The following CHD7 variants were observed in gnomAD, a reference collection of about 807,000 sequenced individuals.
CHD7 encodes ATP-dependent chromatin remodeler CHD7.
In CHD7, 24 loss-of-function variants were observed where a neutral mutation model predicts 307.3. The observed-to-expected ratio is 0.08, with a 90% CI of 0.06 to 0.11. The LOEUF is 0.11. Ranked by LOEUF, CHD7 falls within the 10% of genes least tolerant of loss-of-function variation. The pLI, the probability that CHD7 is intolerant of heterozygous loss-of-function variation, is 1.00. For missense variants in CHD7, 3,106 were observed against 3,727.1 expected, an observed-to-expected ratio of 0.83 and a Z score of 4.34; for synonymous variants, 1,363 against 1,349.9, an observed-to-expected ratio of 1.01 and a Z score of -0.21.
intron 1 of CHD7, among the ~76,000 whole-genome samples, chr8:60,693,813 A>G (rs1267001566): frequency 6.6e-6 from 1 of 152,250 alleles, no homozygotes; most frequent in Non-Finnish European, 1.5e-5. Flanking sequence ...ATCCGAGGGA[A>G]AGTGATCCAA....
chr8:60,685,756 A>T (rs1187979703), intron 1 of CHD7, among the ~76,000 whole-genome samples: 1 of 152,234 alleles, frequency 6.6e-6, no homozygotes, highest in African/African-American at 2.4e-5. Context: ...TGAAAAGTAG[A>T]TTGTAAAGCA....
Position 60,686,813 on chromosome 8 carries a change from A to C in CHD7, c.-175+7731A>C, listed in dbSNP as rs367571126. 4.6e-5 allele frequency among the ~76,000 whole-genome samples: 7 copies of C among 152,344 alleles called. No homozygotes were observed. In the East Asian group the frequency reaches 9.6e-4, roughly 21 times the overall value. On this transcript the variant is annotated intron_variant, in intron 1 of 37. Transcript: ENST00000423902. ...TTGCAGTATGTCTAAAAAAGGGTACATGGCACCTTACTAGTTAATTTTCTT... is the reference window on the plus strand; with the variant it reads ...TTGCAGTATGTCTAAAAAAGGGTACCTGGCACCTTACTAGTTAATTTTCTT...
At chr8:60,759,385 C>G (rs950493216) in intron 2 of CHD7, among the ~76,000 whole-genome samples, 2 of 151,846 alleles carry the variant, frequency 1.3e-5, no homozygotes, top group Admixed American at 6.6e-5. Context: ...CTCTCCATCT[C>G]CCTCTCCCTC....
intron 3 of CHD7, among the ~76,000 whole-genome samples, chr8:60,794,683 A>G (rs903421370): frequency 2.0e-5 from 3 of 152,300 alleles, no homozygotes; most frequent in South Asian, 2.1e-4. Flanking sequence ...TAGCAAAACT[A>G]CTTCTTAATC....
Position 60,822,739 on chromosome 8 carries a change from A to G in CHD7, c.3194A>G (p.Asp1065Gly). The change falls in exon 12 of 38, where the codon GAT (aspartate) becomes GGT (glycine). Residue 1065 changes from aspartate (D) to glycine (G), a missense_variant. Coordinates refer to ENST00000423902, the MANE Select transcript of CHD7 (RefSeq NM_017780.4). ...TIQLYEMYFK[D>G]PQGRVIKGSY... Reference sequence around the variant, plus strand: ...CAGTTGTATGAAATGTACTTCAAAGATCCCCAGGTAAACCTTCACAGGTTG... The same window carrying G: ...CAGTTGTATGAAATGTACTTCAAAGGTCCCCAGGTAAACCTTCACAGGTTG... 1.2e-6 allele frequency: 2 copies of G among 1,605,102 alleles called. No homozygotes were observed. The highest frequency in any genetic ancestry group is 1.7e-6 in the Non-Finnish European group (2 of 1,173,662).
At chr8:60,836,041 A>G in intron 15 of CHD7, 32 bp from the exon 16 acceptor site, 1 of 1,511,138 alleles carries the variant, frequency 6.6e-7, no homozygotes, top group Non-Finnish European at 9.1e-7. Context: ...AACCTTTTAC[A>G]GTATTCACGT....
In CHD7 at chr8:60,697,835, C is replaced by T. The variant is rs117714383; in HGVS notation, c.-175+18753C>T. Among the ~76,000 whole-genome samples the T allele has an allele frequency of 5.6e-3, 847 of 152,324 alleles. 3 individuals are homozygous for T. Among genetic ancestry groups the T allele is most frequent in the Non-Finnish European group, 8.4e-3 (572 of 68,028 alleles). On this transcript the variant is annotated intron_variant, in intron 1 of 37. Transcript: ENST00000423902. ...AGCTATGTATATCACTTTAATCACA[C>T]GTGGTGCCACCTCTGATCTTGCTCC...
intron 2 of CHD7, among the ~76,000 whole-genome samples, chr8:60,779,657 C>T (rs1165739116): frequency 6.6e-6 from 1 of 152,190 alleles, no homozygotes; most frequent in Admixed American, 6.5e-5. Context: ...TTGATTCTAA[C>T]CTTCCTCCTT....
intron 17 of CHD7, 109 bp from the exon 18 acceptor site, chr8:60,837,559 C>A: frequency 1.0e-6 from 1 of 967,016 alleles, no homozygotes; most frequent in Non-Finnish European, 1.5e-6. Context: ...CCTAAGGCGC[C>A]ACCTCCAAAT....
chr8:60,845,439 C>G (rs1805164283), intron 23 of CHD7, 30 bp downstream of exon 23: 3 of 1,604,052 alleles, frequency 1.9e-6, no homozygotes, highest in Non-Finnish European at 2.6e-6. Context: ...ACCTGGAGAG[C>G]TTAATTCCCT....
chr8:60,860,458 G>A (rs970506680), intron 34 of CHD7, among the ~76,000 whole-genome samples: 9 of 152,038 alleles, frequency 5.9e-5, no homozygotes, highest in East Asian at 3.9e-4. Context: ...TTTTTGAGAC[G>A]AAGTCTCACT....
At chr8:60,806,714 T>C (rs909520820) in intron 6 of CHD7, among the ~76,000 whole-genome samples, 8 of 152,136 alleles carry the variant, frequency 5.3e-5, no homozygotes, top group African/African-American at 1.9e-4. Context: ...GTTTAAAATA[T>C]AGGTTTAGCT....
In CHD7 at chr8:60,865,185, T is replaced by C. The variant is rs1411850654; in HGVS notation, c.8246T>C (p.Leu2749Pro). The change falls in exon 38 of 38, where the codon CTG (leucine) becomes CCG (proline). Residue 2749 changes from leucine to proline, a missense_variant. Around this residue, in one of 10 missense-constraint regions of CHD7, gnomAD observed 351 missense variants for 366.2 expected, o/e 0.96. Transcript: ENST00000423902. The surrounding 1 kb of genome is among the most constrained non-coding windows in gnomAD (Gnocchi z 4.3). Reference sequence around the variant, plus strand: ...ATCAACCCTTTGCTGGTGAACAGCCTGTTTGCTGGAATGGACCTGACGAGC... The same window carrying C: ...ATCAACCCTTTGCTGGTGAACAGCCCGTTTGCTGGAATGGACCTGACGAGC... The part of the protein sequence containing the change: ...SGINPLLVNS[L>P]FAGMDLTSLQ... 1 of 1,611,904 alleles carries C rather than the reference T, an allele frequency of 6.2e-7. No individual in the cohort carries two copies. Among genetic ancestry groups the C allele is most frequent in the Admixed American group, 1.7e-5 (1 of 59,756 alleles).
chr8:60,852,181 G>A lies in CHD7; in HGVS notation c.5828G>A (p.Arg1943Gln), dbSNP rs753723769. ...ATGAAGACTGACCGGCGCAGACGGC[G>A]GCCTCGAGAGGAAGTGAGAGCTCTG... ...ALMKTDRRRR[R>Q]PREEVRALEA... Residue 1943 changes from arginine (R) to glutamine (Q), a missense_variant, in exon 29 of 38, where the codon CGG (arginine) becomes CAG (glutamine). Physicochemically the swap from Arg to Gln is conservative, Grantham distance 43. Transcript: ENST00000423902. 2.0e-5 allele frequency: 32 copies of A among 1,613,782 alleles called. 1 individual carries two copies. Among genetic ancestry groups the A allele is most frequent in the South Asian group, 6.6e-5 (6 of 91,086 alleles).
intron 7 of CHD7, among the ~76,000 whole-genome samples, chr8:60,810,697 G>A (rs921948043): frequency 6.6e-6 from 1 of 152,040 alleles, no homozygotes; most frequent in African/African-American, 2.4e-5. Flanking sequence ...GCCTATATTT[G>A]GTTAGCTTTT....
At chr8:60,809,200 G>A (rs1286346044) in intron 7 of CHD7, among the ~76,000 whole-genome samples, 1 of 152,120 alleles carries the variant, frequency 6.6e-6, no homozygotes, top group African/African-American at 2.4e-5. Context: ...AAGAAGTTGT[G>A]AGTAAAACCT....
At chr8:60,723,726 T>A in intron 1 of CHD7, among the ~76,000 whole-genome samples, 1 of 152,244 alleles carries the variant, frequency 6.6e-6, no homozygotes, top group East Asian at 1.9e-4. Context: ...TATTTGGAGT[T>A]GCTTCAAGTT....
In CHD7 at chr8:60,853,417, C is replaced by G. The variant is rs554415600; in HGVS notation, c.6692C>G (p.Ser2231Cys). The change falls in exon 31 of 38, where the codon TCT becomes TGT. Residue 2231 changes from serine (S) to cysteine (C), a missense_variant. Around this residue, in one of 10 missense-constraint regions of CHD7, gnomAD observed 1,030 missense variants for 1,165.4 expected, o/e 0.88. Transcript: ENST00000423902. ...GTCGGCGCAGACACTGGGTCCAAAT[C>G]TATTTCAGAGAAAGGTTCCGAAGAG... is the stretch of plus-strand genomic sequence containing the variant. ...VEVGADTGSKSISEKGSEEDE... is the reference protein window; with the variant it reads ...VEVGADTGSKCISEKGSEEDE... 1.3e-6 allele frequency: 2 copies of G among 1,524,516 alleles called. No homozygotes were observed. The highest frequency in any genetic ancestry group is 4.5e-5 in the East Asian group (2 of 44,240). The allele number at this position is 1,524,516 out of a possible 1,614,324, so 94.4% of individuals were successfully genotyped here. A position where few individuals can be genotyped will look rare whatever the true frequency, so the allele number is the denominator to read the frequency against.
intron 19 of CHD7, among the ~76,000 whole-genome samples, chr8:60,841,437 ACT>A (rs757936297): frequency 6.6e-6 from 1 of 151,914 alleles, no homozygotes; most frequent in Non-Finnish European, 1.5e-5. Context: ...ATCATTTATC[ACT>A]CTGCAGTGTA....
Sources: allele counts gnomAD v4.1 joint callset (sites outside exome capture counted in the v4.1 genomes callset), GRCh38; gene constraint gnomAD v4.1.1; regional missense constraint gnomAD v4.1.1; non-coding constraint Gnocchi (gnomAD v3.1); transcripts MANE v1.5; gene names NCBI Gene and HGNC (gene_info 2026-07-23, HGNC 2026-07-21).